ANKRD11: variants seen among roughly 807,000 people sequenced by gnomAD.
The protein encoded by ANKRD11 is ankyrin repeat domain 11.
ANKRD11 carries 17 observed loss-of-function variants against 195.7 expected under a neutral mutation model. That is an observed-to-expected ratio of 0.09 (90% CI 0.06 to 0.13). The LOEUF is 0.13. ANKRD11 is among the 10% of genes least tolerant of loss of function. ANKRD11 has a pLI of 1.00. For synonymous variants in ANKRD11, 1,953 were observed against 1,528.1 expected (o/e 1.28, Z -6.49); for missense variants, 3,735 against 3,566.1 (o/e 1.05, Z -1.21).
At chr16:89,384,607 G>A (rs187141788) in intron 2 of ANKRD11, among the ~76,000 whole-genome samples, 1 of 152,306 alleles carries the variant, frequency 6.6e-6, no homozygotes, top group East Asian at 1.9e-4. Flanking sequence ...GAGCAGGGCA[G>A]CTTCTGCAGG....
chr16:89,434,342 C>T (rs752118430), intron 1 of ANKRD11, among the ~76,000 whole-genome samples: 5 of 152,184 alleles, frequency 3.3e-5, no homozygotes, highest in Non-Finnish European at 7.3e-5. Context: ...ATACAGTTGT[C>T]GAAATAATGA....
chr16:89,420,697 T>C (rs1194572672), intron 1 of ANKRD11, among the ~76,000 whole-genome samples: 3 of 152,174 alleles, frequency 2.0e-5, no homozygotes, highest in East Asian at 1.9e-4. Context: ...CCAGAGCCTC[T>C]AAAATATTTG....
chr16:89,284,124 C>A lies in ANKRD11; in HGVS notation c.2418G>T (p.Lys806Asn). 6.2e-7 allele frequency: 1 copy of A among 1,609,152 alleles called. No individual in the cohort carries two copies. The highest frequency in any genetic ancestry group is 8.5e-7 in the Non-Finnish European group (1 of 1,178,630). Residue 806 changes from lysine (K) to asparagine (N), a missense_variant, in exon 9 of 13, where the codon AAG (lysine) becomes AAT (asparagine). Transcript: ENST00000301030. ...KEDKEKLKKE[K>N]VYREDSAFDE... Reference sequence around the variant, plus strand: ...CAAAAGCAGAATCTTCCCTATAAACCTTTTCTTTTTTGAGTTTTTCTTTAT... The same window carrying A: ...CAAAAGCAGAATCTTCCCTATAAACATTTTCTTTTTTGAGTTTTTCTTTAT...
chr16:89,313,619 A>G (rs935504387), intron 3 of ANKRD11: 52 of 1,286,934 alleles, frequency 4.0e-5, no homozygotes, highest in Non-Finnish European at 4.6e-5. Flanking sequence ...GATAACATAA[A>G]GCTATATCTG....
At chr16:89,396,729 C>G (rs2041450114) in intron 2 of ANKRD11, among the ~76,000 whole-genome samples, 1 of 152,198 alleles carries the variant, frequency 6.6e-6, no homozygotes, top group South Asian at 2.1e-4. Flanking sequence ...CTCTGTCGCC[C>G]AGGCTGGAGT....
intron 2 of ANKRD11, among the ~76,000 whole-genome samples, chr16:89,333,564 T>C (rs1279634422): frequency 6.6e-6 from 1 of 152,230 alleles, no homozygotes; most frequent in African/African-American, 2.4e-5. Flanking sequence ...CTGATCTTTG[T>C]GCTGTCTGCA....
intron 2 of ANKRD11, among the ~76,000 whole-genome samples, chr16:89,398,983 G>A (rs1164194671): frequency 6.6e-6 from 1 of 152,140 alleles, no homozygotes; most frequent in African/African-American, 2.4e-5. Context: ...TCTCCCATCA[G>A]CATCATCAGT....
At chr16:89,379,536 G>C (rs2040557968) in intron 2 of ANKRD11, among the ~76,000 whole-genome samples, 1 of 152,202 alleles carries the variant, frequency 6.6e-6, no homozygotes, top group Non-Finnish European at 1.5e-5. Context: ...CGCCCAGACA[G>C]AGCTCAGTCA....
At chr16:89,453,513 C>A (rs1400487406) in intron 1 of ANKRD11, among the ~76,000 whole-genome samples, 1 of 152,208 alleles carries the variant, frequency 6.6e-6, no homozygotes, top group East Asian at 1.9e-4. Flanking sequence ...GGAACACGTC[C>A]TGCCTGCTAA....
At chr16:89,428,302 G>T (rs1341596250) in intron 1 of ANKRD11, among the ~76,000 whole-genome samples, 1 of 152,114 alleles carries the variant, frequency 6.6e-6, no homozygotes. Flanking sequence ...AAGGCGGGCA[G>T]ATCAGAAGGT....
rs887996692 is a variant in ANKRD11 at position 89,324,143 on chromosome 16, G to C, written c.-59-7065C>G. On this transcript the variant is annotated intron_variant, in intron 2 of 12. Coordinates refer to ENST00000301030, the MANE Select transcript of ANKRD11 (RefSeq NM_013275.6). ...CCACGGCACAACGCTCTCTACTGCA[G>C]CCCTGTTTCCACTCACATTTTCTGT... 4.2e-6 allele frequency: 4 copies of C among 959,198 alleles called. No homozygotes were observed. The Admixed American group carries it at 1.2e-4, about 28-fold the overall frequency. The allele number at this position is 959,198 out of a possible 1,614,324, so 59.4% of individuals were successfully genotyped here.
At chr16:89,394,595 T>A (rs1228600476) in intron 2 of ANKRD11, among the ~76,000 whole-genome samples, 5 of 150,058 alleles carry the variant, frequency 3.3e-5, no homozygotes, top group African/African-American at 1.2e-4. Flanking sequence ...ACCACTGCAC[T>A]CCAGCCTGGG....
chr16:89,329,338 A>G (rs1366264014), intron 2 of ANKRD11, among the ~76,000 whole-genome samples: 1 of 152,214 alleles, frequency 6.6e-6, no homozygotes, highest in Non-Finnish European at 1.5e-5. Flanking sequence ...GGGGAAGGGC[A>G]CAAGGGATGC....
chr16:89,378,976 G>C (rs949580399), intron 2 of ANKRD11, among the ~76,000 whole-genome samples: 2 of 152,256 alleles, frequency 1.3e-5, no homozygotes, highest in African/African-American at 4.8e-5. Context: ...TCAAGGTTCT[G>C]ACGGCACACT....
Position 89,282,303 on chromosome 16 carries a change from T to A in ANKRD11, c.4239A>T (p.Glu1413Asp). ...GVSYNMKADIEDELDKTIELF... is the reference protein window; with the variant it reads ...GVSYNMKADIDDELDKTIELF... ...ATTCAATGGTTTTATCTAGCTCATC[T>A]TCTATGTCAGCTTTCATGTTGTAAG... Residue 1413 changes from glutamate to aspartate, a missense_variant, in exon 9 of 13, where the codon GAA (glutamate) becomes GAT (aspartate). By Grantham distance (45) the Glu-to-Asp change is conservative. Transcript: ENST00000301030. 1.2e-6 allele frequency: 2 copies of A among 1,613,812 alleles called. No homozygotes were observed. Among genetic ancestry groups the A allele is most frequent in the Non-Finnish European group, 1.7e-6 (2 of 1,180,046 alleles).
chr16:89,301,008 G>A (rs2035821888), intron 4 of ANKRD11: 1 of 625,516 alleles, frequency 1.6e-6, no homozygotes, highest in Non-Finnish European at 2.9e-6. Context: ...GAAGGCGCAG[G>A]AGAAACAGCG....
At chr16:89,439,875 T>G (rs2043371456) in intron 1 of ANKRD11, among the ~76,000 whole-genome samples, 1 of 152,168 alleles carries the variant, frequency 6.6e-6, no homozygotes, top group South Asian at 2.1e-4. Flanking sequence ...ACAGTGCAGC[T>G]GACCTAGACT....
intron 1 of ANKRD11, among the ~76,000 whole-genome samples, chr16:89,437,001 GTTGATGAATTTAGAACAT>G (rs898988692): frequency 4.1e-4 from 62 of 152,300 alleles, no homozygotes; most frequent in African/African-American, 1.4e-3. Flanking sequence ...GATGGTCAAA[GTTGATGAATTTAGAACAT>G]TTGTCCCCAA....
At chr16:89,353,613 G>T (rs1195766988) in intron 2 of ANKRD11, among the ~76,000 whole-genome samples, 53 of 152,122 alleles carry the variant, frequency 3.5e-4, no homozygotes, top group Non-Finnish European at 1.5e-5. Context: ...TAGTAGCTGG[G>T]ATTACAGGCA....
Sources: allele counts gnomAD v4.1 joint callset (sites outside exome capture counted in the v4.1 genomes callset), GRCh38; gene constraint gnomAD v4.1.1; transcripts MANE v1.5; gene names NCBI Gene and HGNC (gene_info 2026-07-23, HGNC 2026-07-21).